SLCO4C1: variants seen among roughly 807,000 people sequenced by gnomAD.
The protein encoded by SLCO4C1 is organic anion transporter M1.
In SLCO4C1, 58 loss-of-function variants were observed where a neutral mutation model predicts 72.1. The ratio of observed to expected loss-of-function variants is 0.80; its 90% CI spans 0.65 to 1.00. SLCO4C1 has a LOEUF of 1.00. Ranked by LOEUF, SLCO4C1 falls within the 50% of genes least tolerant of loss-of-function variation. The pLI is 0.00. For synonymous variants in SLCO4C1, 297 were observed against 312.5 expected (o/e 0.95, Z 0.52); for missense variants, 898 against 857.9 (o/e 1.05, Z -0.58).
chr5:102,255,806 C>T (rs1283060219), intron 8 of SLCO4C1, among the ~76,000 whole-genome samples: 4 of 151,924 alleles, frequency 2.6e-5, no homozygotes, highest in African/African-American at 9.7e-5. Context: ...CTCCCATTAC[C>T]TAATTGACTA....
At position 102,240,716 on chromosome 5, in the gene SLCO4C1, A is replaced by G; in HGVS notation, c.1876+2T>C. On this transcript the variant is annotated splice_donor_variant, in intron 11 of 12. Coordinates refer to ENST00000310954, the MANE Select transcript of SLCO4C1 (RefSeq NM_180991.5). LOFTEE classifies it high-confidence loss of function. ...AGCAATGAATAAAGAAAAATGGCAT[A>G]CCTAATAATCGAAGGACCATAAATT... The G allele has an allele frequency of 6.2e-7, 1 of 1,608,902 alleles. No homozygotes were observed. The highest frequency in any genetic ancestry group is 8.5e-7 in the Non-Finnish European group (1 of 1,176,770).
chr5:102,292,298 TCA>T (rs1172939601), intron 1 of SLCO4C1, among the ~76,000 whole-genome samples: 1 of 152,126 alleles, frequency 6.6e-6, no homozygotes. Context: ...TATTAATATA[TCA>T]TACTCCCATG....
chr5:102,264,589 C>G (rs1749000577), intron 3 of SLCO4C1, among the ~76,000 whole-genome samples: 1 of 151,946 alleles, frequency 6.6e-6, no homozygotes, highest in African/African-American at 2.4e-5. Flanking sequence ...AATTAGCACA[C>G]CCATCACCTC....
intron 2 of SLCO4C1, 110 bp downstream of exon 2, chr5:102,291,233 G>T: frequency 8.9e-7 from 1 of 1,117,914 alleles, no homozygotes; most frequent in South Asian, 1.5e-5. Flanking sequence ...AGGTGTGGAA[G>T]AGATGTAAAC....
At chr5:102,258,163 G>T in intron 6 of SLCO4C1, 76 bp from the exon 7 acceptor site, 1 of 1,209,202 alleles carries the variant, frequency 8.3e-7, no homozygotes, top group Non-Finnish European at 1.1e-6. Flanking sequence ...AGGTTAGCAT[G>T]ATGAAATAAC....
intron 2 of SLCO4C1, among the ~76,000 whole-genome samples, chr5:102,287,067 T>G (rs1749466099): frequency 6.6e-6 from 1 of 152,188 alleles, no homozygotes; most frequent in African/African-American, 2.4e-5. Flanking sequence ...ATTACATGTA[T>G]AATTTCAATT....
chr5:102,258,677 A>G (rs2112357415), intron 6 of SLCO4C1, among the ~76,000 whole-genome samples: 1 of 152,188 alleles, frequency 6.6e-6, no homozygotes, highest in East Asian at 1.9e-4. Context: ...ACATTTAACC[A>G]CAAAATGAAA....
At chr5:102,263,912 C>A in intron 3 of SLCO4C1, 132 bp from the exon 4 acceptor site, 1 of 631,896 alleles carries the variant, frequency 1.6e-6, no homozygotes, top group Non-Finnish European at 2.7e-6. Flanking sequence ...CATATTTTCA[C>A]TAAAACAATA....
chr5:102,268,932 C>T (rs183602305), intron 3 of SLCO4C1, among the ~76,000 whole-genome samples: 7 of 152,144 alleles, frequency 4.6e-5, no homozygotes, highest in Admixed American at 1.3e-4. Context: ...ATATAGTATT[C>T]TTGACAGACA....
rs1313386016 is a variant in SLCO4C1 at position 102,291,530 on chromosome 5, A to T, written c.432T>A (p.Thr144=). The T allele has an allele frequency of 6.2e-7, 1 of 1,614,158 alleles. No homozygotes were observed. The highest frequency in any genetic ancestry group is 8.5e-7 in the Non-Finnish European group (1 of 1,179,998). ...TATCGTAGCTTGATGAAATCAGGCC[A>T]GTCAGGGAACTCTTCATTTCATAAC... ...EKRYEMKSSL[T]GLISSSYDIS... is the part of the protein sequence containing the mutation. The change falls in exon 2 of 13, where the codon ACT becomes ACA. Residue 144 remains threonine, a synonymous_variant. Transcript: ENST00000310954.
At chr5:102,284,315 C>G (rs1005875551) in intron 2 of SLCO4C1, among the ~76,000 whole-genome samples, 3 of 152,110 alleles carry the variant, frequency 2.0e-5, no homozygotes, top group African/African-American at 4.8e-5. Flanking sequence ...TATGTGACAA[C>G]TCAACAAATA....
At chr5:102,281,571 A>G (rs61309650) in intron 2 of SLCO4C1, among the ~76,000 whole-genome samples, 3,833 of 152,250 alleles carry the variant, frequency 0.025, 163 homozygotes, top group African/African-American at 0.088. Context: ...CGGAAAACAT[A>G]AATGTCTCTC....
chr5:102,247,138 G>T (rs971150153), intron 10 of SLCO4C1, 114 bp downstream of exon 10: 1 of 675,520 alleles, frequency 1.5e-6, no homozygotes. Context: ...ATCTTGTAAG[G>T]GCTGATTGGT....
Position 102,236,813 on chromosome 5 carries a change from C to T in SLCO4C1, c.*45G>A, listed in dbSNP as rs1748444032. On this transcript the variant is annotated 3_prime_UTR_variant, in exon 13 of 13. Coordinates refer to ENST00000310954, the MANE Select transcript of SLCO4C1 (RefSeq NM_180991.5). ...CATGGCAATGTGTGTTCTTAAAAAT[C>T]GAGGTAAATTTTCCAGGTGTAAAAC... The T allele has an allele frequency of 7.0e-6, 11 of 1,578,414 alleles. No individual in the cohort carries two copies. Among genetic ancestry groups the T allele is most frequent in the African/African-American group, 2.7e-5 (2 of 73,604 alleles).
Position 102,252,070 on chromosome 5 carries a change from G to A in SLCO4C1, c.1470-2282C>T, listed in dbSNP as rs528666629. Among the ~76,000 whole-genome samples, 18 of 145,708 alleles carry A rather than the reference G, an allele frequency of 1.2e-4. No homozygotes were observed. The East Asian group carries it at 2.9e-3, about 24-fold the overall frequency. On this transcript the variant is annotated intron_variant, in intron 8 of 12. Coordinates refer to ENST00000310954, the MANE Select transcript of SLCO4C1 (RefSeq NM_180991.5). ...GAGAAAAGCGAGAAGGAAGGGAAAC[G>A]GGGAAAGAAGGAAGGGAAGAAGGGA...
At chr5:102,274,762 C>T (rs1253210563) in intron 2 of SLCO4C1, among the ~76,000 whole-genome samples, 1 of 152,158 alleles carries the variant, frequency 6.6e-6, no homozygotes, top group African/African-American at 2.4e-5. Context: ...CTCTCTTTCT[C>T]CTTTCCCAGG....
At chr5:102,285,849 A>C (rs916824830) in intron 2 of SLCO4C1, among the ~76,000 whole-genome samples, 4 of 152,190 alleles carry the variant, frequency 2.6e-5, no homozygotes, top group African/African-American at 9.6e-5. Context: ...GACTTCCGTA[A>C]AGTAAAAAAT....
intron 12 of SLCO4C1, among the ~76,000 whole-genome samples, 188 bp downstream of exon 12, chr5:102,239,063 C>A (rs965524085): frequency 2.0e-5 from 3 of 152,160 alleles, no homozygotes. Context: ...GCCTTGCAAA[C>A]TCCATCTGTT....
At chr5:102,261,336 C>T (rs147090726) in intron 5 of SLCO4C1, among the ~76,000 whole-genome samples, 1 of 151,924 alleles carries the variant, frequency 6.6e-6, no homozygotes, top group South Asian at 2.1e-4. Flanking sequence ...TGCTTGAACT[C>T]GGGAGGCAGA....
Sources: gnomAD v4.1 joint callset for allele counts (sites outside exome capture counted in the v4.1 genomes callset) on GRCh38, gnomAD v4.1.1 for gene constraint, MANE v1.5 for transcripts, NCBI Gene and HGNC (gene_info 2026-07-23, HGNC 2026-07-21) for gene names.